LRRC7: variants seen among roughly 807,000 people sequenced by gnomAD.
The protein encoded by LRRC7 is leucine rich repeat containing 7, also known as leucine-rich repeat-containing protein 7.
A neutral mutation model predicts 175.7 loss-of-function variants in LRRC7; 23 were observed. That is an observed-to-expected ratio of 0.13 (90% CI 0.09 to 0.19). The LOEUF (loss-of-function observed/expected upper bound fraction) is 0.19, where lower values mean the gene tolerates loss of function less well. Among genes scored for constraint, LRRC7 ranks in the 10% least tolerant of loss-of-function variants. The pLI, the probability that LRRC7 is intolerant of heterozygous loss-of-function variation, is 1.00. For synonymous variants in LRRC7, 685 were observed against 680.9 expected, an observed-to-expected ratio of 1.01 and a Z score of -0.09; for missense variants, 1,354 against 1,904.7, an observed-to-expected ratio of 0.71 and a Z score of 5.38.
intron 1 of LRRC7, 87 bp from the exon 2 acceptor site, chr1:69,678,294 T>A (rs1237141262): frequency 4.2e-6 from 4 of 948,092 alleles, no homozygotes; most frequent in Admixed American, 4.2e-5. Flanking sequence ...CAAAGTTCTG[T>A]GGGAATTTGA....
chr1:69,609,800 A>G (rs1372628009), intron 1 of LRRC7, among the ~76,000 whole-genome samples: 1 of 152,136 alleles, frequency 6.6e-6, no homozygotes, highest in Non-Finnish European at 1.5e-5. Flanking sequence ...CAACAATAAA[A>G]CATTGAACAT....
intron 7 of LRRC7, among the ~76,000 whole-genome samples, chr1:69,862,694 G>T (rs1178044927): frequency 4.6e-5 from 7 of 152,104 alleles, no homozygotes; most frequent in Non-Finnish European, 8.8e-5. Context: ...TAGAGTCATT[G>T]TTCATATCTT....
Position 70,125,948 on chromosome 1 carries a change from C to A in LRRC7, c.*4061C>A, listed in dbSNP as rs1435758327. On this transcript the variant is annotated 3_prime_UTR_variant, in exon 27 of 27. Coordinates refer to ENST00000651989, the MANE Select transcript of LRRC7 (RefSeq NM_001370785.2). ...ACCATTTTATTTTTAATCATAAAAT[C>A]TATTTAATATATATTTAATATCTAT... Among the ~76,000 whole-genome samples, 1 of 151,456 alleles carries A rather than the reference C, an allele frequency of 6.6e-6. No individual in the cohort carries two copies. Among genetic ancestry groups the A allele is most frequent in the Non-Finnish European group, 1.5e-5 (1 of 67,888 alleles).
intron 9 of LRRC7, among the ~76,000 whole-genome samples, chr1:69,983,903 C>T (rs373183072): frequency 7.5e-4 from 114 of 152,172 alleles, no homozygotes; most frequent in African/African-American, 2.7e-3. Flanking sequence ...GATTCTGATT[C>T]AGCAGATCTG....
chr1:69,683,136 T>C (rs893263151), intron 2 of LRRC7, among the ~76,000 whole-genome samples: 2 of 152,200 alleles, frequency 1.3e-5, no homozygotes, highest in African/African-American at 4.8e-5. Flanking sequence ...CAGTGTTTTC[T>C]GTCTGAATGA....
At chr1:70,069,946 A>G (rs1034807499) in intron 23 of LRRC7, among the ~76,000 whole-genome samples, 1 of 152,064 alleles carries the variant, frequency 6.6e-6, no homozygotes, top group Non-Finnish European at 1.5e-5. Context: ...TAAAATCTCC[A>G]TTTGTTTCTT....
intron 1 of LRRC7, among the ~76,000 whole-genome samples, chr1:69,622,882 A>G (rs1650858353): frequency 6.6e-6 from 1 of 152,154 alleles, no homozygotes; most frequent in Non-Finnish European, 1.5e-5. Context: ...CCAGGATAAG[A>G]AGCTTACCTG....
intron 1 of LRRC7, among the ~76,000 whole-genome samples, chr1:69,672,274 A>G (rs1371089063): frequency 6.6e-6 from 1 of 152,234 alleles, no homozygotes; most frequent in African/African-American, 2.4e-5. Flanking sequence ...TGTATTAAGT[A>G]AAGTTCAGTT....
At chr1:70,089,671 G>T in intron 24 of LRRC7, 56 bp from the exon 25 acceptor site, 1 of 1,197,682 alleles carries the variant, frequency 8.3e-7, no homozygotes, top group Admixed American at 2.0e-5. Context: ...ACAGTTATTT[G>T]AAAATATTTA....
intron 1 of LRRC7, among the ~76,000 whole-genome samples, chr1:69,638,122 T>C (rs148110774): frequency 2.6e-5 from 4 of 152,044 alleles, no homozygotes; most frequent in East Asian, 1.9e-4. Flanking sequence ...GTTTATTTTG[T>C]TTGTTCTCAA....
intron 8 of LRRC7, among the ~76,000 whole-genome samples, chr1:69,947,058 A>G (rs1010911724): frequency 6.6e-6 from 1 of 152,080 alleles, no homozygotes; most frequent in Non-Finnish European, 1.5e-5. Flanking sequence ...AGCTGAGGCA[A>G]GATCATGCCA....
intron 8 of LRRC7, among the ~76,000 whole-genome samples, chr1:69,953,105 A>G (rs370796369): frequency 4.8e-4 from 73 of 151,442 alleles, no homozygotes; most frequent in African/African-American, 1.7e-3. Context: ...GGCCCAGTTT[A>G]CCTTTCTGGA....
intron 1 of LRRC7, among the ~76,000 whole-genome samples, chr1:69,625,764 CT>C (rs1651417902): frequency 6.6e-6 from 1 of 151,960 alleles, no homozygotes; most frequent in Non-Finnish European, 1.5e-5. Context: ...GATCCGGGGG[CT>C]GTTTAGAATA....
intron 8 of LRRC7, among the ~76,000 whole-genome samples, chr1:69,959,089 G>A (rs564845929): frequency 1.8e-4 from 28 of 152,154 alleles, no homozygotes; most frequent in African/African-American, 6.7e-4. Context: ...ATGAGGAAAA[G>A]TAGCAAAGTT....
At chr1:69,747,469 A>T (rs1237347283) in intron 2 of LRRC7, among the ~76,000 whole-genome samples, 1 of 152,140 alleles carries the variant, frequency 6.6e-6, no homozygotes, top group East Asian at 1.9e-4. Flanking sequence ...CCAGTGAAGA[A>T]TTGTATACAT....
At chr1:69,737,352 C>A (rs1205554246) in intron 2 of LRRC7, among the ~76,000 whole-genome samples, 1 of 152,114 alleles carries the variant, frequency 6.6e-6, no homozygotes, top group Non-Finnish European at 1.5e-5. Flanking sequence ...GCTTTCTTGC[C>A]TGCCACCATG....
intron 7 of LRRC7, among the ~76,000 whole-genome samples, chr1:69,896,854 A>G (rs190053002): frequency 4.7e-4 from 72 of 152,236 alleles, no homozygotes; most frequent in Admixed American, 3.9e-3. Context: ...GATGAATACT[A>G]TAAAGCCTTC....
At chr1:69,958,984 T>C (rs1358218018) in intron 8 of LRRC7, among the ~76,000 whole-genome samples, 1 of 152,064 alleles carries the variant, frequency 6.6e-6, no homozygotes, top group Non-Finnish European at 1.5e-5. Context: ...TTTGTTTCAG[T>C]AAATAATAGG....
At chr1:69,881,281 T>C (rs1164125519) in intron 7 of LRRC7, among the ~76,000 whole-genome samples, 2 of 152,220 alleles carry the variant, frequency 1.3e-5, no homozygotes, top group Non-Finnish European at 2.9e-5. Context: ...TACTATTATA[T>C]GCAATAACAA....
Sources: gnomAD v4.1 joint callset for allele counts (sites outside exome capture counted in the v4.1 genomes callset) on GRCh38, gnomAD v4.1.1 for gene constraint, MANE v1.5 for transcripts, NCBI Gene and HGNC (gene_info 2026-07-23, HGNC 2026-07-21) for gene names.